The following ADCY2 variants were observed in gnomAD, a reference collection of about 807,000 sequenced individuals.
ADCY2 encodes adenylate cyclase 2.
In ADCY2, 31 loss-of-function variants were observed where a neutral mutation model predicts 125.2. That is an observed-to-expected ratio of 0.25 (90% CI 0.19 to 0.33). The LOEUF (loss-of-function observed/expected upper bound fraction) is 0.33. Ranked by LOEUF, ADCY2 falls within the 10% of genes least tolerant of loss-of-function variation. The pLI is 1.00. For synonymous variants in ADCY2, 512 were observed against 548.4 expected (o/e 0.93, Z 0.93); for missense variants, 904 against 1,418.2 (o/e 0.64, Z 5.82).
intron 16 of ADCY2, among the ~76,000 whole-genome samples, chr5:7,764,907 T>A (rs1472420611): frequency 3.3e-5 from 5 of 152,224 alleles, no homozygotes. Context: ...GGGAAGCTGA[T>A]TCAAAATTGT....
chr5:7,699,643 G>C (rs886458780), intron 7 of ADCY2, among the ~76,000 whole-genome samples: 2 of 152,178 alleles, frequency 1.3e-5, no homozygotes, highest in African/African-American at 4.8e-5. Context: ...CTGGAGTGCA[G>C]TGACAAGATC....
intron 4 of ADCY2, among the ~76,000 whole-genome samples, chr5:7,660,820 C>A (rs768898709): frequency 6.6e-6 from 1 of 152,036 alleles, no homozygotes; most frequent in African/African-American, 2.4e-5. Flanking sequence ...GACATCTATA[C>A]TACCATTTGC....
intron 2 of ADCY2, among the ~76,000 whole-genome samples, chr5:7,438,597 C>T (rs1465615168): frequency 2.0e-5 from 3 of 152,096 alleles, no homozygotes; most frequent in African/African-American, 7.2e-5. Context: ...AGTGCTGGAG[C>T]AGCAATAGCC....
At chr5:7,460,693 AT>A (rs137890440) in intron 2 of ADCY2, among the ~76,000 whole-genome samples, 2,858 of 149,286 alleles carry the variant, frequency 0.019, 87 homozygotes, top group African/African-American at 0.066. Context: ...AAGTGTCTTA[AT>A]TTTTTTTTTG....
At chr5:7,680,802 C>T (rs1219454907) in intron 4 of ADCY2, among the ~76,000 whole-genome samples, 2 of 152,176 alleles carry the variant, frequency 1.3e-5, no homozygotes, top group South Asian at 2.1e-4. Context: ...TAGTGGGACA[C>T]ATGACAGCCT....
intron 1 of ADCY2, among the ~76,000 whole-genome samples, chr5:7,409,269 A>G (rs1018593276): frequency 1.4e-4 from 21 of 152,178 alleles, no homozygotes; most frequent in Admixed American, 1.4e-3. Flanking sequence ...GATCAGGACA[A>G]ATAACTAATG....
rs778469117 is a variant in ADCY2 at position 7,802,182 on chromosome 5, C to G, written c.2629-36C>G. The G allele has an allele frequency of 5.6e-6, 9 of 1,608,386 alleles. No individual in the cohort carries two copies. Among genetic ancestry groups the G allele is most frequent in the Non-Finnish European group, 7.6e-6 (9 of 1,178,004 alleles). On this transcript the variant is annotated intron_variant, in intron 20 of 24. Transcript: ENST00000338316. This position sits in a 1 kb window ranked among gnomAD's most constrained non-coding sequence, Gnocchi z 4.6. ...GGAGTGTTTCTGTTTAAAGGTCAGTCTCCTAGTGATCAGCTCTTGCTTTTC... is the reference window on the plus strand; with the variant it reads ...GGAGTGTTTCTGTTTAAAGGTCAGTGTCCTAGTGATCAGCTCTTGCTTTTC...
At chr5:7,712,257 T>C (rs553583037) in intron 10 of ADCY2, among the ~76,000 whole-genome samples, 2 of 151,754 alleles carry the variant, frequency 1.3e-5, no homozygotes, top group Admixed American at 6.6e-5. Flanking sequence ...CTTGAAAGCC[T>C]ATTATTGAAT....
intron 3 of ADCY2, among the ~76,000 whole-genome samples, chr5:7,547,601 G>T (rs191526187): frequency 3.2e-4 from 48 of 152,314 alleles, no homozygotes; most frequent in Admixed American, 2.0e-3. Flanking sequence ...TTCTGAGCTT[G>T]CCTGTCTCCT....
chr5:7,648,524 C>T (rs918381549), intron 4 of ADCY2, among the ~76,000 whole-genome samples: 1 of 152,148 alleles, frequency 6.6e-6, no homozygotes, highest in Non-Finnish European at 1.5e-5. Context: ...GTAATAAGCA[C>T]TCACTGCAAC....
chr5:7,480,749 TAAAATA>T (rs1393352847), intron 2 of ADCY2, among the ~76,000 whole-genome samples: 2 of 152,146 alleles, frequency 1.3e-5, no homozygotes, highest in Non-Finnish European at 2.9e-5. Flanking sequence ...CCCCTGAACT[TAAAATA>T]AAAGTTGAAT....
intron 2 of ADCY2, among the ~76,000 whole-genome samples, chr5:7,424,013 C>T (rs1740301830): frequency 6.6e-6 from 1 of 152,168 alleles, no homozygotes; most frequent in South Asian, 2.1e-4. Flanking sequence ...CCTGATTCAC[C>T]ATTATGCAAT....
intron 12 of ADCY2, among the ~76,000 whole-genome samples, chr5:7,720,333 G>A (rs556180769): frequency 1.3e-5 from 2 of 152,220 alleles, no homozygotes; most frequent in Admixed American, 6.5e-5. Context: ...CAAGTCAATT[G>A]CTGATAAATA....
chr5:7,624,170 C>T (rs1162962106), intron 3 of ADCY2, among the ~76,000 whole-genome samples: 1 of 152,122 alleles, frequency 6.6e-6, no homozygotes, highest in African/African-American at 2.4e-5. Flanking sequence ...CTAACTCTGT[C>T]CTCTTTTTTC....
At chr5:7,594,908 C>T (rs752901814) in intron 3 of ADCY2, among the ~76,000 whole-genome samples, 2 of 152,198 alleles carry the variant, frequency 1.3e-5, no homozygotes, top group African/African-American at 4.8e-5. Flanking sequence ...TAAGGAAGAA[C>T]GGAGCCTCAA....
intron 3 of ADCY2, among the ~76,000 whole-genome samples, chr5:7,536,827 G>T (rs1334208235): frequency 6.6e-6 from 1 of 151,988 alleles, no homozygotes; most frequent in Non-Finnish European, 1.5e-5. Context: ...CTTGTCAGGG[G>T]GTGGGGGGCT....
At chr5:7,667,839 C>G (rs1164950595) in intron 4 of ADCY2, among the ~76,000 whole-genome samples, 1 of 152,102 alleles carries the variant, frequency 6.6e-6, no homozygotes. Flanking sequence ...GACATGGGGT[C>G]TGCTCACTAC....
At position 7,757,606 on chromosome 5, in the gene ADCY2, C is replaced by T. The variant is rs746675208; in HGVS notation, c.2094+20C>T. 46 of 1,606,280 alleles carry T rather than the reference C, an allele frequency of 2.9e-5. 1 individual carries two copies. The highest frequency in any genetic ancestry group is 3.3e-5 in the South Asian group (3 of 90,512). On this transcript the variant is annotated intron_variant, in intron 16 of 24. Coordinates refer to ENST00000338316, the MANE Select transcript of ADCY2 (RefSeq NM_020546.3). ...AACATGGTAAGTCCCAGAGCACGGC[C>T]GTGTTCAACATGGTAAGCCCCAGAG... is the stretch of plus-strand genomic sequence containing the variant.
intron 3 of ADCY2, among the ~76,000 whole-genome samples, chr5:7,589,479 AAAG>A (rs1736756370): frequency 1.7e-5 from 1 of 60,404 alleles, no homozygotes; most frequent in African/African-American, 4.0e-5. Context: ...AGAAAGAAAG[AAAG>A]AAAGAAAGAA....
Sources: gnomAD v4.1 joint callset for allele counts (sites outside exome capture counted in the v4.1 genomes callset) on GRCh38, gnomAD v4.1.1 for gene constraint, Gnocchi (gnomAD v3.1) non-coding constraint, MANE v1.5 for transcripts, NCBI Gene and HGNC (gene_info 2026-07-23, HGNC 2026-07-21) for gene names.